Variants in LRRC40 observed in about 807,000 individuals in gnomAD.
The protein encoded by LRRC40 is leucine-rich repeat-containing protein 40.
In LRRC40, 76 loss-of-function variants were observed where a neutral mutation model predicts 72.8. The ratio of observed to expected loss-of-function variants is 1.04; its 90% CI spans 0.87 to 1.26. The LOEUF (loss-of-function observed/expected upper bound fraction) is 1.26. Among genes scored for constraint, LRRC40 ranks in the 50% most tolerant of loss-of-function variants. The probability of loss-of-function intolerance (pLI) is 0.00; values close to 1 mark genes in which losing one functional copy is unlikely to be tolerated. For synonymous variants in LRRC40, 243 were observed against 254.2 expected (o/e 0.96, Z 0.42); for missense variants, 684 against 698.9 (o/e 0.98, Z 0.24).
chr1:70,156,639 C>G (rs1477374966), intron 10 of LRRC40, among the ~76,000 whole-genome samples: 3 of 152,214 alleles, frequency 2.0e-5, no homozygotes, highest in Non-Finnish European at 4.4e-5. Context: ...GGACTGAATC[C>G]TATATAGTAT....
intron 1 of LRRC40, among the ~76,000 whole-genome samples, chr1:70,192,497 A>G (rs1318686169): frequency 6.6e-6 from 1 of 152,148 alleles, no homozygotes; most frequent in Non-Finnish European, 1.5e-5. Flanking sequence ...TCATTCTACC[A>G]TAAGGACACA....
rs544344536 is a variant in LRRC40, at chr1:70,197,859, C to G, written c.151+7531G>C. 9.2e-5 allele frequency among the ~76,000 whole-genome samples: 14 copies of G among 152,150 alleles called. No homozygotes were observed. In the South Asian group the frequency reaches 1.5e-3, roughly 16 times the overall value. On this transcript the variant is annotated intron_variant, in intron 1 of 14. Transcript: ENST00000370952. ...CTTTGAGAGGTCAAGGCAGGTGGAT[C>G]ACCTGAGGTCAGGAGTTTGAGACCA...
chr1:70,164,695 T>C (rs1166738028), intron 9 of LRRC40, among the ~76,000 whole-genome samples: 1 of 152,188 alleles, frequency 6.6e-6, no homozygotes, highest in East Asian at 1.9e-4. Context: ...ATGCTCTTCT[T>C]ACAAGGGTCT....
chr1:70,194,070 G>A (rs571994509), intron 1 of LRRC40, among the ~76,000 whole-genome samples: 1 of 152,070 alleles, frequency 6.6e-6, no homozygotes, highest in African/African-American at 2.4e-5. Flanking sequence ...TTTAATAGAG[G>A]TCTTGACCAA....
Position 70,173,517 on chromosome 1 carries a change from G to C in LRRC40, c.1066-7C>G. ...GGACTTCTTGTGTTCCTTTCTAGAA[G>C]GGTGGAGACAAAGACATTCACCAAG... is the stretch of plus-strand genomic sequence containing the variant. On this transcript the variant is annotated splice_polypyrimidine_tract_variant and splice_region_variant and intron_variant, in intron 8 of 14. Transcript: ENST00000370952. 6.2e-7 allele frequency: 1 copy of C among 1,605,088 alleles called. No individual in the cohort carries two copies. Among genetic ancestry groups the C allele is most frequent in the Non-Finnish European group, 8.5e-7 (1 of 1,172,512 alleles).
intron 9 of LRRC40, among the ~76,000 whole-genome samples, chr1:70,163,091 T>G (rs970868531): frequency 6.6e-6 from 1 of 151,522 alleles, no homozygotes; most frequent in Non-Finnish European, 1.5e-5. Context: ...TTTTTTTTTT[T>G]TTTGAGACGG....
chr1:70,180,974 C>G (rs1668231410), intron 5 of LRRC40, 112 bp downstream of exon 5: 1 of 715,570 alleles, frequency 1.4e-6, no homozygotes, highest in Non-Finnish European at 2.1e-6. Context: ...TTGCATTTAC[C>G]ACTATAAAAA....
At chr1:70,179,647 T>A (rs1286233857) in intron 5 of LRRC40, among the ~76,000 whole-genome samples, 2 of 152,162 alleles carry the variant, frequency 1.3e-5, no homozygotes, top group African/African-American at 2.4e-5. Flanking sequence ...TAAACTCAAA[T>A]GTATTTTTAA....
At chr1:70,179,082 G>A (rs990784668) in intron 5 of LRRC40, 89 bp from the exon 6 acceptor site, 19 of 673,486 alleles carry the variant, frequency 2.8e-5, no homozygotes, top group African/African-American at 9.2e-5. Flanking sequence ...GTAAGAAATC[G>A]CTATGAGGAC....
chr1:70,188,869 G>A (rs1668426988), intron 2 of LRRC40, among the ~76,000 whole-genome samples: 1 of 152,120 alleles, frequency 6.6e-6, no homozygotes, highest in Admixed American at 6.6e-5. Context: ...GGCACAGAGA[G>A]GTAACTCTCC....
chr1:70,175,839 CCTTTCCA>C lies in LRRC40; in HGVS notation c.941_947del (p.Leu314CysfsTer4). 1 of 1,576,544 alleles carries C rather than the reference CCTTTCCA, an allele frequency of 6.3e-7. No individual in the cohort carries two copies. The highest frequency in any genetic ancestry group is 2.4e-5 in the East Asian group (1 of 41,818). On this transcript the variant is annotated frameshift_variant, in exon 7 of 15. Transcript: ENST00000370952. LOFTEE classifies it high-confidence loss of function. ...TAATATCATTGTTGCTTAGGTCAAG[CCTTTCCA>C]AGGACCGTAGTAGTATAATTTCATC... is the stretch of plus-strand genomic sequence containing the variant.
intron 14 of LRRC40, among the ~76,000 whole-genome samples, chr1:70,147,428 A>C (rs1220371545): frequency 6.6e-6 from 1 of 152,230 alleles, no homozygotes; most frequent in Non-Finnish European, 1.5e-5. Flanking sequence ...TTCAGGCATG[A>C]ATTATAGTGC....
At chr1:70,199,243 A>ACACACACACC (rs1668682562) in intron 1 of LRRC40, among the ~76,000 whole-genome samples, 1 of 151,770 alleles carries the variant, frequency 6.6e-6, no homozygotes. Flanking sequence ...ACACACACAC[A>ACACACACACC]CACACACACA....
chr1:70,166,931 AAAAG>A (rs1369457967), intron 9 of LRRC40, among the ~76,000 whole-genome samples: 1 of 151,958 alleles, frequency 6.6e-6, no homozygotes. Flanking sequence ...AAGAAAAAAG[AAAAG>A]AAAGAAACAG....
chr1:70,188,021 T>C (rs913853561), intron 2 of LRRC40, among the ~76,000 whole-genome samples: 4 of 152,182 alleles, frequency 2.6e-5, no homozygotes, highest in Non-Finnish European at 5.9e-5. Flanking sequence ...TCTGATGATA[T>C]GATTTATGTC....
Position 70,184,881 on chromosome 1 carries a change from A to T in LRRC40, c.441T>A (p.Ile147=). The T allele has an allele frequency of 6.2e-7, 1 of 1,608,536 alleles. No individual in the cohort carries two copies. Among genetic ancestry groups the T allele is most frequent in the Non-Finnish European group, 8.5e-7 (1 of 1,175,392 alleles). The change falls in exon 4 of 15, where the codon ATT becomes ATA. Residue 147 remains isoleucine, a synonymous_variant. Transcript: ENST00000370952. The part of the protein sequence containing the change: ...HNKLKILPEE[I]TNLRNLKCLY... ...GGCACTTCAGGTTTCTTAGGTTTGT[A>T]ATTTCTTCAGGGAGTATTTTCAGTT...
intron 1 of LRRC40, among the ~76,000 whole-genome samples, chr1:70,197,214 C>A (rs76238504): frequency 0.011 from 1,296 of 113,938 alleles, 17 homozygotes; most frequent in African/African-American, 0.039. Context: ...CAGGCTTCCA[C>A]AATGGACAAC....
At chr1:70,146,649 T>C (rs1571423495) in intron 14 of LRRC40, among the ~76,000 whole-genome samples, 1 of 152,136 alleles carries the variant, frequency 6.6e-6, no homozygotes, top group East Asian at 1.9e-4. Flanking sequence ...TACTAAATGG[T>C]CAAGTAAGAT....
intron 10 of LRRC40, among the ~76,000 whole-genome samples, chr1:70,157,485 T>C (rs1027887810): frequency 6.6e-5 from 10 of 152,202 alleles, no homozygotes; most frequent in African/African-American, 2.4e-4. Context: ...TATCTGTGCC[T>C]TTAAGAAGTA....
Sources: gnomAD v4.1 joint callset for allele counts (sites outside exome capture counted in the v4.1 genomes callset) on GRCh38, gnomAD v4.1.1 for gene constraint, MANE v1.5 for transcripts, NCBI Gene and HGNC (gene_info 2026-07-23, HGNC 2026-07-21) for gene names.